IGFBP7: variants seen among roughly 807,000 people sequenced by gnomAD.
IGFBP7 encodes insulin like growth factor binding protein 7.
Under a neutral mutation model 29.4 loss-of-function variants are expected in IGFBP7, and 31 were observed. That is an observed-to-expected ratio of 1.05 (90% CI 0.79 to 1.42). The LOEUF (loss-of-function observed/expected upper bound fraction) is 1.42, where lower values mean the gene tolerates loss of function less well. Among genes scored for constraint, IGFBP7 ranks in the 40% most tolerant of loss-of-function variants. The probability of loss-of-function intolerance (pLI) is 0.00; values close to 1 mark genes in which losing one functional copy is unlikely to be tolerated. For missense variants in IGFBP7, 393 were observed against 395.5 expected, an observed-to-expected ratio of 0.99 and a Z score of 0.05; for synonymous variants, 172 against 174.9, an observed-to-expected ratio of 0.98 and a Z score of 0.13.
At chr4:57,065,559 G>C (rs147411969) in intron 1 of IGFBP7, 1 of 152,424 alleles carries the variant, frequency 6.6e-6, no homozygotes, top group East Asian at 1.9e-4. Context: ...AGACTATCCG[G>C]CCACGGCGTC....
At chr4:57,084,796 T>TTTG (rs1271671030) in intron 1 of IGFBP7, among the ~76,000 whole-genome samples, 2 of 147,620 alleles carry the variant, frequency 1.4e-5, no homozygotes, top group Non-Finnish European at 3.0e-5. Context: ...AGGTTTTTTT[T>TTTG]TTTTTTTTTT....
At chr4:57,074,876 A>T (rs751562458) in intron 1 of IGFBP7, among the ~76,000 whole-genome samples, 2 of 152,252 alleles carry the variant, frequency 1.3e-5, no homozygotes, top group Non-Finnish European at 2.9e-5. Context: ...CTTTGAATGC[A>T]CTAGGCACCC....
intron 1 of IGFBP7, among the ~76,000 whole-genome samples, chr4:57,045,757 T>C (rs923179799): frequency 2.0e-5 from 3 of 151,112 alleles, no homozygotes; most frequent in Non-Finnish European, 4.4e-5. Flanking sequence ...TTAGATGGAG[T>C]TTTGCACTTG....
chr4:57,052,232 C>T (rs1021558521), intron 1 of IGFBP7, among the ~76,000 whole-genome samples: 7 of 152,166 alleles, frequency 4.6e-5, no homozygotes, highest in Non-Finnish European at 8.8e-5. Context: ...TACCCAGTAA[C>T]TGACTGGATG....
chr4:57,046,627 T>G (rs1281289648), intron 1 of IGFBP7, among the ~76,000 whole-genome samples: 2 of 152,180 alleles, frequency 1.3e-5, no homozygotes, highest in Non-Finnish European at 2.9e-5. Context: ...AACATCAGGA[T>G]AGGTCCAATT....
intron 1 of IGFBP7, among the ~76,000 whole-genome samples, chr4:57,055,998 GT>G (rs1724661666): frequency 6.6e-6 from 1 of 152,028 alleles, no homozygotes; most frequent in Non-Finnish European, 1.5e-5. Context: ...ACTTGCGTAT[GT>G]TTTTACCCTC....
intron 1 of IGFBP7, among the ~76,000 whole-genome samples, chr4:57,085,957 G>T (rs562610157): frequency 1.3e-5 from 2 of 152,048 alleles, no homozygotes; most frequent in African/African-American, 4.8e-5. Flanking sequence ...GTTTTTCTTT[G>T]GTGAAGGGCC....
At chr4:57,089,602 G>A (rs1725586280) in intron 1 of IGFBP7, among the ~76,000 whole-genome samples, 1 of 152,142 alleles carries the variant, frequency 6.6e-6, no homozygotes, top group Non-Finnish European at 1.5e-5. Context: ...TAAGCTTCTA[G>A]TCACCCTTTG....
intron 1 of IGFBP7, among the ~76,000 whole-genome samples, chr4:57,087,347 A>G (rs1725522463): frequency 6.6e-6 from 1 of 152,232 alleles, no homozygotes; most frequent in Non-Finnish European, 1.5e-5. Context: ...GAGCTTCTAG[A>G]TGGGAAAACA....
At chr4:57,074,269 C>T (rs1411796007) in intron 1 of IGFBP7, among the ~76,000 whole-genome samples, 2 of 152,180 alleles carry the variant, frequency 1.3e-5, no homozygotes, top group Non-Finnish European at 1.5e-5. Context: ...CCATGTTGGC[C>T]AGTCTTGTCT....
At chr4:57,056,489 AAC>A (rs1436425344) in intron 1 of IGFBP7, among the ~76,000 whole-genome samples, 1 of 152,170 alleles carries the variant, frequency 6.6e-6, no homozygotes, top group East Asian at 1.9e-4. Context: ...GGGTGCAGTA[AAC>A]AGTCTGGGCC....
chr4:57,110,304 C>T lies in IGFBP7; in HGVS notation c.48G>A (p.Leu16=), dbSNP rs1162077361. ...AGGAGAGGGGCAGGAGCAGGAGCAG[C>T]AGCCCAGCGGCGCCGAGGAGCAGGG... ...LRALLLGAAG[L]LLLLLPLSSS... The change falls in exon 1 of 5, where the codon CTG becomes CTA. Residue 16 remains leucine, a synonymous_variant. Coordinates refer to ENST00000295666, the MANE Select transcript of IGFBP7 (RefSeq NM_001553.3). The T allele has an allele frequency of 1.4e-6, 2 of 1,423,428 alleles. No individual in the cohort carries two copies. The highest frequency in any genetic ancestry group is 9.2e-7 in the Non-Finnish European group (1 of 1,088,888). The allele number at this position is 1,423,428 out of a possible 1,614,324, so 88.2% of individuals were successfully genotyped here.
chr4:57,060,737 G>A (rs1015166277), intron 1 of IGFBP7, among the ~76,000 whole-genome samples: 3 of 152,056 alleles, frequency 2.0e-5, no homozygotes, highest in Non-Finnish European at 4.4e-5. Context: ...GGGCAATATA[G>A]TGAGACCTCA....
chr4:57,044,002 G>A (rs545469603), intron 1 of IGFBP7, among the ~76,000 whole-genome samples: 1 of 152,346 alleles, frequency 6.6e-6, no homozygotes, highest in South Asian at 2.1e-4. Flanking sequence ...GACTTGGCAG[G>A]AGGACTTCAA....
At chr4:57,093,447 C>G (rs949582424) in intron 1 of IGFBP7, among the ~76,000 whole-genome samples, 1 of 150,304 alleles carries the variant, frequency 6.7e-6, no homozygotes, top group Admixed American at 6.7e-5. Context: ...TTGCAGTGAG[C>G]GGAGATCACA....
intron 1 of IGFBP7, among the ~76,000 whole-genome samples, chr4:57,047,472 A>T (rs995887101): frequency 6.6e-6 from 1 of 152,220 alleles, no homozygotes; most frequent in African/African-American, 2.4e-5. Context: ...GAGAAGAAAG[A>T]AAAAATGAAG....
At chr4:57,051,118 C>T (rs1724493712) in intron 1 of IGFBP7, among the ~76,000 whole-genome samples, 1 of 152,136 alleles carries the variant, frequency 6.6e-6, no homozygotes, top group East Asian at 1.9e-4. Flanking sequence ...GGAACAGGAG[C>T]ACACAAAAGT....
Position 57,084,788 on chromosome 4 carries a change from G to GTTTTTTTTTTTTTTTTTTTTTTTTTTTT in IGFBP7, c.475+25088_475+25089insAAAAAAAAAAAAAAAAAAAAAAAAAAAA, listed in dbSNP as rs57704332. ...CTTTTTACTCAGATGTTTAAAAAAGGTTTTTTTTTTTTTTTTTTTTGGGAC... is the reference window on the plus strand; with the variant it reads ...CTTTTTACTCAGATGTTTAAAAAAGGTTTTTTTTTTTTTTTTTTTTTTTTTTTTTTTTTTTTTTTTTTTTTTTTGGGAC... On this transcript the variant is annotated intron_variant, in intron 1 of 4. Coordinates refer to ENST00000295666, the MANE Select transcript of IGFBP7 (RefSeq NM_001553.3). Among the ~76,000 whole-genome samples the GTTTTTTTTTTTTTTTTTTTTTTTTTTTT allele has an allele frequency of 2.7e-5, 3 of 113,104 alleles. 1 individual carries two copies. The highest frequency in any genetic ancestry group is 6.9e-5 in the African/African-American group (2 of 29,114). The allele number at this position is 113,104 out of a possible 152,430, so 74.2% of individuals were successfully genotyped here.
chr4:57,048,852 C>CA (rs1192682668), intron 1 of IGFBP7, among the ~76,000 whole-genome samples: 1 of 152,190 alleles, frequency 6.6e-6, no homozygotes, highest in Non-Finnish European at 1.5e-5. Context: ...TCCTTGTCTA[C>CA]AATTTATAGC....
Sources: allele counts gnomAD v4.1 joint callset (sites outside exome capture counted in the v4.1 genomes callset), GRCh38; gene constraint gnomAD v4.1.1; transcripts MANE v1.5; gene names NCBI Gene and HGNC (gene_info 2026-07-23, HGNC 2026-07-21).